Variants in PHACTR1 observed in about 807,000 individuals in gnomAD.
The protein encoded by PHACTR1 is RPEL repeat containing 1.
PHACTR1 carries 16 observed loss-of-function variants against 69.2 expected under a neutral mutation model. The observed-to-expected ratio is 0.23, with a 90% CI of 0.16 to 0.35. The LOEUF (loss-of-function observed/expected upper bound fraction) is 0.35, where lower values mean the gene tolerates loss of function less well. PHACTR1 is among the 10% of genes least tolerant of loss of function. The pLI is 1.00. For missense variants in PHACTR1, 510 were observed against 734.7 expected, an observed-to-expected ratio of 0.69 and a Z score of 3.54; for synonymous variants, 312 against 284.5, an observed-to-expected ratio of 1.10 and a Z score of -0.97.
intron 5 of PHACTR1, among the ~76,000 whole-genome samples, chr6:13,129,724 C>T (rs1820111578): frequency 1.3e-5 from 2 of 152,110 alleles, no homozygotes; most frequent in South Asian, 4.1e-4. Context: ...CTTCAATACT[C>T]CACTGACAAC....
intron 10 of PHACTR1, among the ~76,000 whole-genome samples, chr6:13,252,228 G>GA (rs1202744845): frequency 1.9e-3 from 232 of 120,758 alleles, no homozygotes; most frequent in African/African-American, 6.8e-3. Flanking sequence ...AAAAAAAATA[G>GA]AAAAAAAAAA....
In PHACTR1 at chr6:13,108,560, T is replaced by C. The variant is rs150907649; in HGVS notation, c.416-51644T>C. On this transcript the variant is annotated intron_variant, in intron 5 of 14. Transcript: ENST00000332995. ...CAAATTCTGTTGTTTAGGATTATTA[T>C]ATATGTTGTCTTTAAAAATTGACTC... Among the ~76,000 whole-genome samples, 324 of 152,238 alleles carry C rather than the reference T, an allele frequency of 2.1e-3. 2 individuals carry two copies. Among genetic ancestry groups the C allele is most frequent in the Non-Finnish European group, 3.9e-3 (268 of 67,924 alleles).
intron 4 of PHACTR1, among the ~76,000 whole-genome samples, chr6:12,862,564 A>G (rs543622493): frequency 2.0e-5 from 3 of 152,262 alleles, no homozygotes; most frequent in African/African-American, 7.2e-5. Flanking sequence ...GAGAAGAATG[A>G]TCAGTGGTAA....
chr6:12,743,478 G>C (rs1249712833), intron 3 of PHACTR1, among the ~76,000 whole-genome samples: 2 of 152,126 alleles, frequency 1.3e-5, no homozygotes, highest in African/African-American at 4.8e-5. Flanking sequence ...CTAAAGCCAA[G>C]TCCAGCCATG....
At chr6:12,741,004 A>T (rs1161952794) in intron 3 of PHACTR1, among the ~76,000 whole-genome samples, 2 of 151,474 alleles carry the variant, frequency 1.3e-5, no homozygotes, top group Non-Finnish European at 3.0e-5. Flanking sequence ...AATTTCCTTG[A>T]CCTGCTTTTA....
rs140911359 is a variant in PHACTR1, at chr6:13,182,362, C to T, written c.497-157C>T. Among the ~76,000 whole-genome samples, 139 of 152,320 alleles carry T rather than the reference C, an allele frequency of 9.1e-4. 3 individuals are homozygous for T. The East Asian group carries it at 0.024, about 26-fold the overall frequency. ...TGATGATTAGACAACATATCTCTAA[C>T]GATGAAATAAATGTCTTAAAAGCAA... On this transcript the variant is annotated intron_variant, in intron 6 of 14. Coordinates refer to ENST00000332995, the MANE Select transcript of PHACTR1 (RefSeq NM_030948.6).
intron 4 of PHACTR1, among the ~76,000 whole-genome samples, chr6:12,940,535 A>G (rs904367147): frequency 2.0e-5 from 3 of 152,212 alleles, no homozygotes; most frequent in Non-Finnish European, 4.4e-5. Flanking sequence ...AGAATTCGTA[A>G]TAGATGAAAA....
At position 12,798,234 on chromosome 6, in the gene PHACTR1, G is replaced by A. The variant is rs1436127561; in HGVS notation, c.250+48444G>A. 3.3e-5 allele frequency among the ~76,000 whole-genome samples: 5 copies of A among 152,096 alleles called. 1 individual carries two copies. Among genetic ancestry groups the A allele is most frequent in the South Asian group, 4.1e-4 (2 of 4,830 alleles). On this transcript the variant is annotated intron_variant, in intron 4 of 14. Transcript: ENST00000332995. ...GAAGGAAGGAAGAAAGAAAAAGAAA[G>A]GAAGCTTTCAATCCAGAAATCTGGA...
Position 13,248,227 on chromosome 6 carries a change from C to T in PHACTR1, c.1391+18034C>T, listed in dbSNP as rs181337038. 8.5e-5 allele frequency among the ~76,000 whole-genome samples: 13 copies of T among 152,288 alleles called. No individual in the cohort carries two copies. The East Asian group carries it at 2.1e-3, about 25-fold the overall frequency. On this transcript the variant is annotated intron_variant, in intron 10 of 14. Transcript: ENST00000332995. ...ACAGCCTGTGAAATCTGATTCTCTT[C>T]CCACAGTCAGCAAACAGAGCCACTG...
chr6:12,779,832 G>A (rs566701241), intron 4 of PHACTR1, among the ~76,000 whole-genome samples: 1 of 152,256 alleles, frequency 6.6e-6, no homozygotes, highest in East Asian at 1.9e-4. Flanking sequence ...ATATATATAT[G>A]TAGCTTAATT....
chr6:12,884,173 T>C (rs1379440457), intron 4 of PHACTR1, among the ~76,000 whole-genome samples: 3 of 151,896 alleles, frequency 2.0e-5, no homozygotes, highest in Non-Finnish European at 4.4e-5. Context: ...CATACAAACA[T>C]GTTCTCCAGC....
intron 8 of PHACTR1, among the ~76,000 whole-genome samples, chr6:13,223,910 T>C (rs1197915205): frequency 6.6e-6 from 1 of 152,154 alleles, no homozygotes; most frequent in East Asian, 1.9e-4. Flanking sequence ...CTTTTTGTCA[T>C]TGCCATTGAT....
chr6:13,261,876 G>A (rs369324710), intron 10 of PHACTR1, among the ~76,000 whole-genome samples: 1 of 152,170 alleles, frequency 6.6e-6, no homozygotes, highest in East Asian at 1.9e-4. Flanking sequence ...TATGAGGAAG[G>A]GCATGCAAAT....
chr6:13,046,568 T>G (rs9463382), intron 4 of PHACTR1, among the ~76,000 whole-genome samples: 2,065 of 152,290 alleles, frequency 0.014, 43 homozygotes, highest in African/African-American at 0.047. Context: ...GCATCGTGTC[T>G]GTGTTTAATA....
In PHACTR1 at chr6:12,782,480, T is replaced by C. The variant is rs149086629; in HGVS notation, c.250+32690T>C. 6.0e-3 allele frequency among the ~76,000 whole-genome samples: 911 copies of C among 152,298 alleles called. 8 individuals are homozygous for C. Among genetic ancestry groups the C allele is most frequent in the African/African-American group, 0.021 (864 of 41,548 alleles). On this transcript the variant is annotated intron_variant, in intron 4 of 14. Coordinates refer to ENST00000332995, the MANE Select transcript of PHACTR1 (RefSeq NM_030948.6). ...CATTTCTCATGTTTGCATATAGATATGCAATACTGGGAATATGATTAATGT... is the reference window on the plus strand; with the variant it reads ...CATTTCTCATGTTTGCATATAGATACGCAATACTGGGAATATGATTAATGT...
chr6:12,728,018 A>G (rs1056099168), intron 3 of PHACTR1, among the ~76,000 whole-genome samples: 1 of 152,158 alleles, frequency 6.6e-6, no homozygotes, highest in Non-Finnish European at 1.5e-5. Flanking sequence ...AAAAGGGGAA[A>G]AAAAATGAGA....
Position 13,283,270 on chromosome 6 carries a change from G to A in PHACTR1, c.1510-152G>A, listed in dbSNP as rs750925448. ...CAGGAGACTTGGGTCCCCCCACCCT[G>A]GCCCTCCCCCTGCCCCTGCCCCTCA... On this transcript the variant is annotated intron_variant, in intron 12 of 14. Transcript: ENST00000332995. The surrounding 1 kb of genome is among the most constrained non-coding windows in gnomAD (Gnocchi z 4.7). 10 of 592,654 alleles carry A rather than the reference G, an allele frequency of 1.7e-5. No individual in the cohort carries two copies. Among genetic ancestry groups the A allele is most frequent in the South Asian group, 7.8e-5 (4 of 50,972 alleles). 36.7% of individuals were successfully genotyped at this position (592,654 alleles called of 1,614,324 possible). A position where few individuals can be genotyped will look rare whatever the true frequency, so the allele number is the denominator to read the frequency against.
intron 4 of PHACTR1, among the ~76,000 whole-genome samples, chr6:13,017,119 G>C (rs915563628): frequency 1.1e-4 from 17 of 148,280 alleles, no homozygotes; most frequent in African/African-American, 4.3e-4. Flanking sequence ...CCAGGAGGTG[G>C]AGGTTGCAGT....
intron 4 of PHACTR1, among the ~76,000 whole-genome samples, chr6:12,968,673 G>A (rs1324741370): frequency 4.6e-5 from 7 of 152,152 alleles, no homozygotes; most frequent in Admixed American, 3.9e-4. Flanking sequence ...GACTTTTGTT[G>A]TGTGGATTCT....
Sources: gnomAD v4.1 joint callset for allele counts (sites outside exome capture counted in the v4.1 genomes callset) on GRCh38, gnomAD v4.1.1 for gene constraint, Gnocchi (gnomAD v3.1) non-coding constraint, MANE v1.5 for transcripts, NCBI Gene and HGNC (gene_info 2026-07-23, HGNC 2026-07-21) for gene names.